Variants in XIRP2 observed in about 807,000 individuals in gnomAD.
XIRP2 encodes xin actin-binding repeat-containing protein 2.
XIRP2 carries 236 observed loss-of-function variants against 277.0 expected under a neutral mutation model. The ratio of observed to expected loss-of-function variants is 0.85; its 90% CI spans 0.77 to 0.95. XIRP2 has a LOEUF of 0.95. XIRP2 is among the 40% of genes least tolerant of loss of function. XIRP2 has a pLI of 0.00. For missense variants in XIRP2, 4,640 were observed against 4,157.5 expected, an observed-to-expected ratio of 1.12 and a Z score of -3.19; for synonymous variants, 1,490 against 1,416.5, an observed-to-expected ratio of 1.05 and a Z score of -1.17.
At chr2:167,038,416 T>C (rs1002371865) in intron 2 of XIRP2, among the ~76,000 whole-genome samples, 2 of 151,678 alleles carry the variant, frequency 1.3e-5, no homozygotes, top group African/African-American at 2.4e-5. Context: ...TCCTCTTTAA[T>C]ATACATAAAT....
In XIRP2 at chr2:167,251,640, T is replaced by G; in HGVS notation, c.10248T>G (p.Ser3416Arg). The change falls in exon 9 of 11, where the codon AGT becomes AGG. Residue 3416 changes from serine (S) to arginine (R), a missense_variant. Transcript: ENST00000409195. Reference sequence around the variant, plus strand: ...TCTGCTCTGAAACCAGGTCTCTAAGTGAACATTTCTCAGGCATGGATGCAT... The same window carrying G: ...TCTGCTCTGAAACCAGGTCTCTAAGGGAACATTTCTCAGGCATGGATGCAT... ...PRICSETRSL[S>R]EHFSGMDAFE... is the part of the protein sequence containing the mutation. 6.2e-7 allele frequency: 1 copy of G among 1,613,482 alleles called. No homozygotes were observed. Among genetic ancestry groups the G allele is most frequent in the South Asian group, 1.1e-5 (1 of 91,072 alleles).
intron 1 of XIRP2, among the ~76,000 whole-genome samples, chr2:166,902,645 A>T (rs1684412588): frequency 6.6e-6 from 1 of 151,446 alleles, no homozygotes; most frequent in African/African-American, 2.4e-5. Context: ...ACACTTTGCC[A>T]TTTTTTTTCT....
chr2:166,888,853 A>C (rs1241600904), intron 1 of XIRP2, among the ~76,000 whole-genome samples: 2 of 152,216 alleles, frequency 1.3e-5, no homozygotes, highest in African/African-American at 4.8e-5. Context: ...GACTCAAAAC[A>C]CGTAAGTTTG....
chr2:167,139,285 T>G (rs1029505055), intron 3 of XIRP2, among the ~76,000 whole-genome samples: 1 of 152,056 alleles, frequency 6.6e-6, no homozygotes, highest in African/African-American at 2.4e-5. Context: ...AATATCAGAA[T>G]TGAATGGGTC....
intron 2 of XIRP2, among the ~76,000 whole-genome samples, chr2:167,082,632 G>C (rs1294628233): frequency 1.3e-5 from 2 of 152,262 alleles, no homozygotes; most frequent in East Asian, 3.9e-4. Flanking sequence ...TTTAATGATT[G>C]CCATTCCAAC....
chr2:166,949,838 A>G (rs140042835), intron 2 of XIRP2, among the ~76,000 whole-genome samples: 1 of 152,206 alleles, frequency 6.6e-6, no homozygotes, highest in East Asian at 1.9e-4. Flanking sequence ...GTTTATATCT[A>G]TATTTCTATA....
chr2:167,068,594 A>G (rs571406318), intron 2 of XIRP2, among the ~76,000 whole-genome samples: 7 of 149,724 alleles, frequency 4.7e-5, no homozygotes, highest in Non-Finnish European at 8.8e-5. Flanking sequence ...TCCCTTTCTC[A>G]TATTTTTCTT....
chr2:166,944,744 A>G (rs1276068234), intron 2 of XIRP2, among the ~76,000 whole-genome samples: 3 of 152,136 alleles, frequency 2.0e-5, no homozygotes, highest in African/African-American at 4.8e-5. Context: ...CAAAATCCCT[A>G]TGACCTAGGT....
intron 2 of XIRP2, among the ~76,000 whole-genome samples, chr2:167,119,888 A>G (rs1022061781): frequency 2.6e-5 from 4 of 152,182 alleles, no homozygotes; most frequent in South Asian, 2.1e-4. Flanking sequence ...TAATTGGCCT[A>G]TAAGAGCACT....
chr2:167,222,198 A>G (rs1694454218), intron 5 of XIRP2, among the ~76,000 whole-genome samples: 1 of 152,228 alleles, frequency 6.6e-6, no homozygotes, highest in Non-Finnish European at 1.5e-5. Context: ...TTTATGCCAG[A>G]CATTTTAAAC....
chr2:167,125,759 A>T (rs1057152368), intron 2 of XIRP2, among the ~76,000 whole-genome samples: 1 of 152,170 alleles, frequency 6.6e-6, no homozygotes, highest in East Asian at 1.9e-4. Flanking sequence ...ATTGTTGCAT[A>T]ACAAACTACC....
intron 1 of XIRP2, among the ~76,000 whole-genome samples, chr2:166,898,710 G>T (rs535956629): frequency 6.6e-6 from 1 of 152,120 alleles, no homozygotes; most frequent in African/African-American, 2.4e-5. Flanking sequence ...CAGCAATCAA[G>T]ACACAGAAGT....
intron 2 of XIRP2, among the ~76,000 whole-genome samples, chr2:167,131,801 G>A (rs192846955): frequency 1.3e-3 from 194 of 152,158 alleles, no homozygotes; most frequent in African/African-American, 4.5e-3. Flanking sequence ...TAGTTGTTCA[G>A]TTTGGACCTC....
At chr2:166,943,035 T>C (rs1253639718) in intron 2 of XIRP2, among the ~76,000 whole-genome samples, 2 of 152,128 alleles carry the variant, frequency 1.3e-5, no homozygotes, top group East Asian at 3.9e-4. Flanking sequence ...TTTAATACCA[T>C]TAAATACAAA....
chr2:166,942,105 C>T (rs1204021194), intron 2 of XIRP2, among the ~76,000 whole-genome samples: 1 of 152,174 alleles, frequency 6.6e-6, no homozygotes, highest in Non-Finnish European at 1.5e-5. Flanking sequence ...TATGTCAGTA[C>T]ATGAAGTGAC....
rs751182328 is a variant in XIRP2, at chr2:167,245,344, AC to A, written c.3955del (p.Gln1319SerfsTer16). On this transcript the variant is annotated frameshift_variant, in exon 9 of 11. Transcript: ENST00000409195. LOFTEE classifies it high-confidence loss of function. ...AAAAAGCTACAGAATGCTCTTTGAA[AC>A]CCAGCCACTCTATGCAATTCAAGAC... ...DVKSYRMLFE[T>X]QPLYAIQDRE... 20 of 1,607,940 alleles carry A rather than the reference AC, an allele frequency of 1.2e-5. No homozygotes were observed. In the South Asian group the frequency reaches 2.1e-4, roughly 17 times the overall value.
intron 2 of XIRP2, among the ~76,000 whole-genome samples, chr2:167,031,653 C>T (rs1688352597): frequency 6.6e-6 from 1 of 152,086 alleles, no homozygotes; most frequent in South Asian, 2.1e-4. Flanking sequence ...CATTCCTTTA[C>T]ACCAATAACA....
chr2:167,241,937 A>C, intron 8 of XIRP2, 27 bp downstream of exon 8: 2 of 1,599,376 alleles, frequency 1.3e-6, no homozygotes, highest in Non-Finnish European at 1.7e-6. Context: ...ACACAGAAAC[A>C]TACTAAGTGT....
At chr2:166,924,264 A>C (rs553235753) in intron 2 of XIRP2, among the ~76,000 whole-genome samples, 1 of 152,136 alleles carries the variant, frequency 6.6e-6, no homozygotes, top group Non-Finnish European at 1.5e-5. Flanking sequence ...AGGAAGTCTG[A>C]GGATTTAACA....
Sources: gnomAD v4.1 joint callset for allele counts (sites outside exome capture counted in the v4.1 genomes callset) on GRCh38, gnomAD v4.1.1 for gene constraint, MANE v1.5 for transcripts, NCBI Gene and HGNC (gene_info 2026-07-23, HGNC 2026-07-21) for gene names.